The following CHST9 variants were observed in gnomAD, a reference collection of about 807,000 sequenced individuals.
CHST9 encodes GalNAc-4-sulfotransferase 2.
Under a neutral mutation model 44.4 loss-of-function variants are expected in CHST9, and 41 were observed. That is an observed-to-expected ratio of 0.92 (90% CI 0.72 to 1.20). The LOEUF (loss-of-function observed/expected upper bound fraction) is 1.20. Among genes scored for constraint, CHST9 ranks in the 50% most tolerant of loss-of-function variants. The probability of loss-of-function intolerance (pLI) is 0.00; values close to 1 mark genes in which losing one functional copy is unlikely to be tolerated. For missense variants in CHST9, 504 were observed against 516.5 expected (o/e 0.98, Z 0.23); for synonymous variants, 171 against 178.4 (o/e 0.96, Z 0.33).
chr18:27,143,314 T>C (rs2058583941), intron 1 of CHST9, among the ~76,000 whole-genome samples: 1 of 152,166 alleles, frequency 6.6e-6, no homozygotes, highest in South Asian at 2.1e-4. Context: ...CTTAAGAATA[T>C]ATAAAGTTCA....
intron 3 of CHST9, among the ~76,000 whole-genome samples, chr18:27,035,074 T>C (rs558156393): frequency 1.2e-3 from 176 of 152,320 alleles, no homozygotes; most frequent in Admixed American, 1.9e-3. Flanking sequence ...TTTGAGGAAT[T>C]TCCATATGGT....
intron 2 of CHST9, among the ~76,000 whole-genome samples, chr18:27,082,753 G>A (rs2057972632): frequency 6.6e-6 from 1 of 152,130 alleles, no homozygotes. Flanking sequence ...ACCTGAGAGA[G>A]TGAGGTGACA....
chr18:27,080,806 G>C lies in CHST9; in HGVS notation c.122-32303C>G, dbSNP rs150510832. Among the ~76,000 whole-genome samples, 740 of 152,274 alleles carry C rather than the reference G, an allele frequency of 4.9e-3. 5 individuals carry two copies. Among genetic ancestry groups the C allele is most frequent in the African/African-American group, 0.017 (719 of 41,554 alleles). The stretch of plus-strand genomic sequence containing the variant: ...GTCAAGCCTGGGTAACCAGGCAAAT[G>C]GTCATGTCTTTAACAGAAATGAAAC... On this transcript the variant is annotated intron_variant, in intron 2 of 5. Transcript: ENST00000618847.
At chr18:27,100,450 A>G (rs1167628106) in intron 2 of CHST9, among the ~76,000 whole-genome samples, 1 of 152,208 alleles carries the variant, frequency 6.6e-6, no homozygotes, top group East Asian at 1.9e-4. Flanking sequence ...GCTAGCAGTA[A>G]AGAAGGGAGT....
At chr18:26,966,594 T>C (rs1286202170) in intron 4 of CHST9, among the ~76,000 whole-genome samples, 1 of 152,216 alleles carries the variant, frequency 6.6e-6, no homozygotes, top group East Asian at 1.9e-4. Context: ...CACGTTCATG[T>C]GTGCACTTGT....
chr18:27,160,432 A>C (rs542366694), intron 1 of CHST9, among the ~76,000 whole-genome samples: 1 of 152,302 alleles, frequency 6.6e-6, no homozygotes, highest in Non-Finnish European at 1.5e-5. Flanking sequence ...GCGTATGTTG[A>C]ACCAGCCTTG....
chr18:27,007,381 CACTT>C (rs1297414960), intron 4 of CHST9, among the ~76,000 whole-genome samples: 1 of 152,112 alleles, frequency 6.6e-6, no homozygotes, highest in East Asian at 1.9e-4. Flanking sequence ...AAGGAGGTGA[CACTT>C]ACTGAACTGA....
chr18:26,920,385 C>G (rs902170425), intron 5 of CHST9, among the ~76,000 whole-genome samples: 6 of 152,202 alleles, frequency 3.9e-5, no homozygotes, highest in Admixed American at 6.5e-5. Flanking sequence ...CCCTATTCAC[C>G]CTGTCTAGGT....
In CHST9 at chr18:26,914,984, C is replaced by T. The variant is rs2055493326; in HGVS notation, c.*1275G>A. 1 of 397,124 alleles carries T rather than the reference C, an allele frequency of 2.5e-6. No individual in the cohort carries two copies. Among genetic ancestry groups the T allele is most frequent in the Non-Finnish European group, 4.4e-6 (1 of 225,374 alleles). The allele number at this position is 397,124 out of a possible 1,614,324, so 24.6% of individuals were successfully genotyped here. A position where few individuals can be genotyped will look rare whatever the true frequency, so the allele number is the denominator to read the frequency against. ...CATCCAAAATGATCCCTTTTTTTTT[C>T]CCCAAGGGATCTAATTTAGGATCCC... On this transcript the variant is annotated 3_prime_UTR_variant, in exon 6 of 6. Transcript: ENST00000618847.
At chr18:26,956,344 T>TATATATATAC (rs1555671803) in intron 4 of CHST9, among the ~76,000 whole-genome samples, 15 of 142,128 alleles carry the variant, frequency 1.1e-4, no homozygotes, top group African/African-American at 3.7e-4. Context: ...TATATATATA[T>TATATATATAC]ACACACACAA....
At chr18:27,061,078 G>A (rs916142135) in intron 2 of CHST9, among the ~76,000 whole-genome samples, 3 of 152,164 alleles carry the variant, frequency 2.0e-5, no homozygotes, top group Admixed American at 6.5e-5. Context: ...TGGTTCTTGA[G>A]GAGAGTAAAG....
intron 2 of CHST9, among the ~76,000 whole-genome samples, chr18:27,080,692 G>A (rs952869868): frequency 1.3e-5 from 2 of 152,164 alleles, no homozygotes; most frequent in African/African-American, 4.8e-5. Flanking sequence ...CCACACACTG[G>A]AACTAGGGGC....
intron 2 of CHST9, among the ~76,000 whole-genome samples, chr18:27,113,559 C>T (rs2058293600): frequency 6.6e-6 from 1 of 152,074 alleles, no homozygotes; most frequent in South Asian, 2.1e-4. Flanking sequence ...GAGGGTGGTG[C>T]CCTTGGGAAT....
chr18:26,994,343 G>A (rs2056859871), intron 4 of CHST9, among the ~76,000 whole-genome samples: 1 of 152,106 alleles, frequency 6.6e-6, no homozygotes, highest in African/African-American at 2.4e-5. Context: ...ATACATAACA[G>A]TTATGATCAG....
chr18:27,165,952 A>G (rs996524700), intron 1 of CHST9, among the ~76,000 whole-genome samples: 2 of 152,156 alleles, frequency 1.3e-5, no homozygotes, highest in Non-Finnish European at 2.9e-5. Flanking sequence ...ATCACAAAAT[A>G]TATCTTCTGA....
Position 27,138,585 on chromosome 18 carries a change from G to A in CHST9, c.121+4104C>T, listed in dbSNP as rs567326193. 1.2e-3 allele frequency among the ~76,000 whole-genome samples: 186 copies of A among 152,186 alleles called. 2 individuals carry two copies. Among genetic ancestry groups the A allele is most frequent in the Non-Finnish European group, 3.5e-4 (24 of 68,010 alleles). On this transcript the variant is annotated intron_variant, in intron 2 of 5. Coordinates refer to ENST00000618847, the MANE Select transcript of CHST9 (RefSeq NM_031422.6). ...GAATTGTGGCTGAGTTTTAATTGTG[G>A]CAACTCAGAAAAAGCAAGTTTTCAG...
In CHST9 at chr18:27,135,554, GT is replaced by G. The variant is rs150764216; in HGVS notation, c.121+7134del. On this transcript the variant is annotated intron_variant, in intron 2 of 5. Coordinates refer to ENST00000618847, the MANE Select transcript of CHST9 (RefSeq NM_031422.6). ...GTAGATGAGTGAGAGGTAAGAGGAA[GT>G]GCCAATAAATCAGCCAAAGTCAGTA... 3.2e-3 allele frequency among the ~76,000 whole-genome samples: 483 copies of G among 152,296 alleles called. 11 individuals are homozygous for G. Among genetic ancestry groups the G allele is most frequent in the Admixed American group, 0.023 (351 of 15,310 alleles).
intron 4 of CHST9, among the ~76,000 whole-genome samples, chr18:26,959,011 T>G (rs1277920627): frequency 6.6e-6 from 1 of 152,176 alleles, no homozygotes. Context: ...AAAAGACATA[T>G]GCACTCATAT....
intron 2 of CHST9, among the ~76,000 whole-genome samples, chr18:27,100,578 T>C (rs2058161464): frequency 6.6e-6 from 1 of 152,204 alleles, no homozygotes; most frequent in Non-Finnish European, 1.5e-5. Context: ...AAAATTCCCC[T>C]GTGGTTTTAT....
Sources: allele counts gnomAD v4.1 joint callset (sites outside exome capture counted in the v4.1 genomes callset), GRCh38; gene constraint gnomAD v4.1.1; transcripts MANE v1.5; gene names NCBI Gene and HGNC (gene_info 2026-07-23, HGNC 2026-07-21).